Variants in PHF24 observed in about 807,000 individuals in gnomAD.
The protein encoded by PHF24 is PHD finger protein 24.
In PHF24, 25 loss-of-function variants were observed where a neutral mutation model predicts 42.6. That is an observed-to-expected ratio of 0.59 (90% confidence interval 0.43 to 0.82). The LOEUF (loss-of-function observed/expected upper bound fraction) is 0.82. Ranked by LOEUF, PHF24 falls within the 40% of genes least tolerant of loss-of-function variation. The pLI is 0.00. For synonymous variants in PHF24, 185 were observed against 204.8 expected (o/e 0.90, Z 0.83); for missense variants, 470 against 538.1 (o/e 0.87, Z 1.25).
chr9:34,692,849 C>T, the PHF24 span, among the ~76,000 whole-genome samples: 9 of 145,066 alleles, frequency 6.2e-5, no homozygotes, highest in East Asian at 2.1e-4. Context: ...TACAATGGCA[C>T]GATCTTGGCT....
rs765528242 is a variant in PHF24, at chr9:34,972,462, C to T, written c.495C>T (p.Ile165=). 4.3e-6 allele frequency: 7 copies of T among 1,614,016 alleles called. No individual in the cohort carries two copies. The African/African-American group carries it at 8.0e-5, about 18-fold the overall frequency. ...GCTGCCTGCGCCGCATGGGCTACAT[C>T]CAAGGAGACAGTGCAGCGGAGGTGA... The change falls in exon 3 of 8, where the codon ATC becomes ATT. Residue 165 remains isoleucine, a synonymous_variant. Transcript: ENST00000242315.
chr9:34,908,842 C>CTTTTTTTTTTTTTTTTT, the PHF24 span, among the ~76,000 whole-genome samples: 18 of 135,350 alleles, frequency 1.3e-4, no homozygotes, highest in Non-Finnish European at 2.5e-4. Context: ...CTTTTCTTTT[C>CTTTTTTTTTTTTTTTTT]TTTTTTTTTT....
chr9:34,831,164 G>A, the PHF24 span, among the ~76,000 whole-genome samples: 1 of 152,300 alleles, frequency 6.6e-6, no homozygotes, highest in East Asian at 1.9e-4. Flanking sequence ...GGGACACAAT[G>A]AAGAGATGTA....
At chr9:34,796,359 A>G in the PHF24 span, among the ~76,000 whole-genome samples, 1 of 151,640 alleles carries the variant, frequency 6.6e-6, no homozygotes, top group African/African-American at 2.4e-5. Flanking sequence ...GGTCCCTAAG[A>G]AAAAAAAATT....
chr9:34,926,226 G>A, the PHF24 span, among the ~76,000 whole-genome samples: 1 of 152,236 alleles, frequency 6.6e-6, no homozygotes, highest in South Asian at 2.1e-4. This position sits in a 1 kb window ranked among gnomAD's most constrained non-coding sequence, Gnocchi z 4.3. Context: ...CTGGGGCTGG[G>A]GCCATGGGGC....
chr9:34,728,116 G>C, the PHF24 span: 1 of 1,543,738 alleles, frequency 6.5e-7, no homozygotes, highest in African/African-American at 1.4e-5. Context: ...ATATGGCATG[G>C]GATAATTTCA....
At chr9:34,726,206 G>A in the PHF24 span, 3 of 1,284,548 alleles carry the variant, frequency 2.3e-6, 1 homozygote, top group African/African-American at 1.4e-5. Context: ...AGAGACCTGA[G>A]GAGTATTCTT....
chr9:34,791,362 G>A, the PHF24 span, among the ~76,000 whole-genome samples: 2 of 152,280 alleles, frequency 1.3e-5, no homozygotes, highest in Non-Finnish European at 1.5e-5. Context: ...TTACTGAGAT[G>A]GGGGACACTG....
chr9:34,805,973 G>A, the PHF24 span, among the ~76,000 whole-genome samples: 1 of 152,112 alleles, frequency 6.6e-6, no homozygotes, highest in Non-Finnish European at 1.5e-5. Flanking sequence ...TTTCATTGTT[G>A]TTGTATTTTC....
intron 1 of PHF24, among the ~76,000 whole-genome samples, chr9:34,965,943 A>G (rs924524712): frequency 1.3e-5 from 2 of 152,162 alleles, no homozygotes; most frequent in African/African-American, 2.4e-5. Flanking sequence ...TCCAGTGTTT[A>G]TCAGACCTTC....
the PHF24 span, chr9:34,728,072 A>G: frequency 1.3e-6 from 2 of 1,551,964 alleles, no homozygotes; most frequent in South Asian, 1.2e-5. Flanking sequence ...CTTCCCGGGA[A>G]CGTCTCCTAG....
chr9:34,843,358 TCA>T, the PHF24 span, among the ~76,000 whole-genome samples: 1 of 152,182 alleles, frequency 6.6e-6, no homozygotes. Context: ...AGTGTGTATC[TCA>T]CAAAAATAAA....
the PHF24 span, among the ~76,000 whole-genome samples, chr9:34,697,995 G>C: frequency 6.6e-6 from 1 of 152,150 alleles, no homozygotes; most frequent in Non-Finnish European, 1.5e-5. Flanking sequence ...GGGATGAGTG[G>C]TAATCATGTG....
chr9:34,833,020 T>C, the PHF24 span: 2 of 1,551,494 alleles, frequency 1.3e-6, no homozygotes, highest in Admixed American at 2.0e-5. Context: ...GCCAGGACCC[T>C]CGGGGTGTCT....
chr9:34,891,694 C>T, the PHF24 span, among the ~76,000 whole-genome samples: 1 of 152,176 alleles, frequency 6.6e-6, no homozygotes, highest in African/African-American at 2.4e-5. Context: ...TAGGAGAATG[C>T]TTCCTCCCTC....
At chr9:34,977,759 A>G in intron 7 of PHF24, 118 bp downstream of exon 7, 1 of 906,274 alleles carries the variant, frequency 1.1e-6, no homozygotes, top group Non-Finnish European at 1.7e-6. Context: ...CCAAGAAACC[A>G]GGCTCCAAGA....
At chr9:34,936,329 C>T in the PHF24 span, among the ~76,000 whole-genome samples, 4 of 152,224 alleles carry the variant, frequency 2.6e-5, no homozygotes, top group Non-Finnish European at 4.4e-5. Context: ...CCTCGGCCTC[C>T]GGAGGTGCCG....
the PHF24 span, chr9:34,689,805 T>G: frequency 6.2e-7 from 1 of 1,614,124 alleles, no homozygotes; most frequent in Non-Finnish European, 8.5e-7. The surrounding 1 kb of genome is among the most constrained non-coding windows in gnomAD (Gnocchi z 4.1). Context: ...GGGCTCCCTC[T>G]GCACGGTCAT....
the PHF24 span, among the ~76,000 whole-genome samples, chr9:34,898,043 A>G: frequency 6.6e-6 from 1 of 152,182 alleles, no homozygotes; most frequent in African/African-American, 2.4e-5. Context: ...CATCATATAT[A>G]TATACCACAG....
Sources: allele counts gnomAD v4.1 joint callset (sites outside exome capture counted in the v4.1 genomes callset), GRCh38; gene constraint gnomAD v4.1.1; non-coding constraint Gnocchi (gnomAD v3.1); transcripts MANE v1.5; gene names NCBI Gene and HGNC (gene_info 2026-07-23, HGNC 2026-07-21).